Variants in ZBTB16 observed in about 807,000 individuals in gnomAD.
The protein encoded by ZBTB16 is zinc finger and BTB domain-containing protein 16.
ZBTB16 carries 8 observed loss-of-function variants against 56.8 expected under a neutral mutation model. The ratio of observed to expected loss-of-function variants is 0.14; its 90% CI spans 0.08 to 0.25. ZBTB16 has a LOEUF of 0.25. ZBTB16 is among the 10% of genes least tolerant of loss of function. The pLI is 1.00. For synonymous variants in ZBTB16, 363 were observed against 368.5 expected (o/e 0.98, Z 0.17); for missense variants, 625 against 903.0 (o/e 0.69, Z 3.95).
intron 2 of ZBTB16, among the ~76,000 whole-genome samples, chr11:114,117,604 G>A (rs145758946): frequency 2.6e-5 from 4 of 152,240 alleles, no homozygotes; most frequent in Non-Finnish European, 4.4e-5. Context: ...GGTGGATGGT[G>A]GGAATAGAGA....
intron 2 of ZBTB16, among the ~76,000 whole-genome samples, chr11:114,122,655 G>GTTTA (rs1248499715): frequency 6.6e-6 from 1 of 152,112 alleles, no homozygotes; most frequent in Non-Finnish European, 1.5e-5. Flanking sequence ...TCTCATGCTT[G>GTTTA]TTTAGTCTTT....
Position 114,250,196 on chromosome 11 carries a change from C to T in ZBTB16, c.1793-130C>T, listed in dbSNP as rs1944893289. ...CCGTCTTGGGTGGTGCCTTCATTGT[C>T]CCAGAAAGTTCTGTTGGAGCAAGCC... On this transcript the variant is annotated intron_variant, in intron 6 of 6. Transcript: ENST00000335953. This position sits in a 1 kb window ranked among gnomAD's most constrained non-coding sequence, Gnocchi z 6.0. 1.0e-6 allele frequency: 1 copy of T among 981,640 alleles called. No homozygotes were observed. The highest frequency in any genetic ancestry group is 1.6e-5 in the African/African-American group (1 of 62,812). 60.8% of individuals were successfully genotyped at this position (981,640 alleles called of 1,614,324 possible). A position where few individuals can be genotyped will look rare whatever the true frequency, so the allele number is the denominator to read the frequency against.
chr11:114,231,297 A>G (rs1199609221), intron 4 of ZBTB16, among the ~76,000 whole-genome samples: 2 of 152,044 alleles, frequency 1.3e-5, no homozygotes, highest in African/African-American at 4.8e-5. Context: ...CTAGATTCAG[A>G]GGGTCTGGTT....
In ZBTB16 at chr11:114,232,898, G is replaced by A. The variant is rs544650362; in HGVS notation, c.1454-9269G>A. ...CGGGCAGGCGTCCTGCGGGCTCCAG[G>A]CTTCTCTGCCACAGCTGGCGGAGGT... is the stretch of plus-strand genomic sequence containing the variant. On this transcript the variant is annotated intron_variant, in intron 4 of 6. Transcript: ENST00000335953. 3.9e-5 allele frequency among the ~76,000 whole-genome samples: 6 copies of A among 152,256 alleles called. No individual in the cohort carries two copies. The East Asian group carries it at 1.2e-3, about 30-fold the overall frequency.
chr11:114,189,983 T>C (rs1943453669), intron 4 of ZBTB16, among the ~76,000 whole-genome samples: 1 of 152,196 alleles, frequency 6.6e-6, no homozygotes, highest in Non-Finnish European at 1.5e-5. Context: ...TACCATGGTA[T>C]ACTATTTGGC....
At chr11:114,212,180 TC>T (rs1040244717) in intron 4 of ZBTB16, among the ~76,000 whole-genome samples, 2 of 152,180 alleles carry the variant, frequency 1.3e-5, no homozygotes, top group African/African-American at 4.8e-5. Context: ...AATTTTTTTT[TC>T]AGCCTTTTCT....
chr11:114,253,279 G>A lies in ZBTB16; in HGVS notation c.*2724G>A, dbSNP rs768831644. Among the ~76,000 whole-genome samples the A allele has an allele frequency of 7.2e-5, 11 of 152,076 alleles. No individual in the cohort carries two copies. Among genetic ancestry groups the A allele is most frequent in the African/African-American group, 1.7e-4 (7 of 41,408 alleles). On this transcript the variant is annotated 3_prime_UTR_variant, in exon 7 of 7. Coordinates refer to ENST00000335953, the MANE Select transcript of ZBTB16 (RefSeq NM_006006.6). ...TCCCACTCAGCCTGGGCCCCTCCCC[G>A]CTCCATTCATAAAAGCTGAGAGGGT...
chr11:114,201,597 G>T (rs541808838), intron 4 of ZBTB16, among the ~76,000 whole-genome samples: 1 of 152,308 alleles, frequency 6.6e-6, no homozygotes, highest in South Asian at 2.1e-4. Flanking sequence ...CAATGAGAAT[G>T]ACCTAAATAT....
At position 114,252,246 on chromosome 11, in the gene ZBTB16, T is replaced by C. The variant is rs950545026; in HGVS notation, c.*1691T>C. ...TCCGCCTAAAACACTCTGGAGAGAA[T>C]CCCACCTTTCTTACAATTTGCTGGG... is the stretch of plus-strand genomic sequence containing the variant. On this transcript the variant is annotated 3_prime_UTR_variant, in exon 7 of 7. Coordinates refer to ENST00000335953, the MANE Select transcript of ZBTB16 (RefSeq NM_006006.6). Among the ~76,000 whole-genome samples the C allele has an allele frequency of 3.3e-5, 5 of 152,114 alleles. No individual in the cohort carries two copies. The highest frequency in any genetic ancestry group is 9.7e-5 in the African/African-American group (4 of 41,420).
chr11:114,134,041 G>A (rs757554182), intron 2 of ZBTB16, among the ~76,000 whole-genome samples: 9 of 152,146 alleles, frequency 5.9e-5, no homozygotes, highest in Non-Finnish European at 7.3e-5. Context: ...TGAGATGCAC[G>A]GGAGCACAGC....
At chr11:114,192,979 T>G (rs1296918598) in intron 4 of ZBTB16, among the ~76,000 whole-genome samples, 1 of 152,220 alleles carries the variant, frequency 6.6e-6, no homozygotes, top group Admixed American at 6.5e-5. Flanking sequence ...AGGCTGTTCC[T>G]AGGCGGACCC....
At chr11:114,074,967 CG>C (rs1410364444) in intron 2 of ZBTB16, among the ~76,000 whole-genome samples, 2 of 152,096 alleles carry the variant, frequency 1.3e-5, no homozygotes, top group Admixed American at 1.3e-4. Context: ...CATGCCTGGA[CG>C]GCTGTGCAGT....
chr11:114,145,391 T>C (rs1231260650), intron 2 of ZBTB16, among the ~76,000 whole-genome samples: 2 of 152,208 alleles, frequency 1.3e-5, no homozygotes, highest in Non-Finnish European at 2.9e-5. Flanking sequence ...TTATTCGTAA[T>C]AGCCAAAAGG....
chr11:114,181,130 G>A (rs540737617), intron 3 of ZBTB16, among the ~76,000 whole-genome samples: 63 of 152,260 alleles, frequency 4.1e-4, no homozygotes, highest in African/African-American at 1.4e-3. Flanking sequence ...CAAGATAAAT[G>A]GCCCCCAAAT....
chr11:114,205,351 A>G (rs1943839544), intron 4 of ZBTB16, among the ~76,000 whole-genome samples: 1 of 151,524 alleles, frequency 6.6e-6, no homozygotes, highest in Middle Eastern at 3.2e-3. Flanking sequence ...TGGAGCTTGC[A>G]GTGAGCCGAG....
chr11:114,068,142 A>G (rs1301148257), intron 2 of ZBTB16, among the ~76,000 whole-genome samples: 1 of 151,920 alleles, frequency 6.6e-6, no homozygotes, highest in East Asian at 1.9e-4. Flanking sequence ...GTGATAAAAT[A>G]ACAGGCTACA....
At position 114,059,757 on chromosome 11, in the gene ZBTB16, G is replaced by A. The variant is rs1938746989; in HGVS notation, c.-216G>A. ...ATGAGAGCGGGTACTGCGAACTGCC[G>A]GGCGATGCTGTCGCTGCCGCCGTGA... On this transcript the variant is annotated 5_prime_UTR_variant, in exon 1 of 7. Coordinates refer to ENST00000335953, the MANE Select transcript of ZBTB16 (RefSeq NM_006006.6). The surrounding 1 kb of genome is among the most constrained non-coding windows in gnomAD (Gnocchi z 5.3). 1 of 398,372 alleles carries A rather than the reference G, an allele frequency of 2.5e-6. No homozygotes were observed. Among genetic ancestry groups the A allele is most frequent in the Non-Finnish European group, 4.4e-6 (1 of 225,924 alleles). The allele number at this position is 398,372 out of a possible 1,614,324, so 24.7% of individuals were successfully genotyped here.
At chr11:114,126,382 T>A (rs1255136449) in intron 2 of ZBTB16, among the ~76,000 whole-genome samples, 1 of 152,188 alleles carries the variant, frequency 6.6e-6, no homozygotes, top group South Asian at 2.1e-4. Context: ...CCGGCCTCAT[T>A]CCCACCTCTG....
rs553636421 is a variant in ZBTB16, at chr11:114,061,176, C to A, written c.-91+1294C>A. ...GGGGGTGTGAGAGCGCGGTCGATCC[C>A]CGGAGCTCGGGCGGGTTATCGCCGG... On this transcript the variant is annotated intron_variant, in intron 1 of 6. Transcript: ENST00000335953. 3.9e-5 allele frequency among the ~76,000 whole-genome samples: 6 copies of A among 152,158 alleles called. No homozygotes were observed. In the East Asian group the frequency reaches 5.8e-4, roughly 15 times the overall value.
Sources: gnomAD v4.1 joint callset for allele counts (sites outside exome capture counted in the v4.1 genomes callset) on GRCh38, gnomAD v4.1.1 for gene constraint, Gnocchi (gnomAD v3.1) non-coding constraint, MANE v1.5 for transcripts, NCBI Gene and HGNC (gene_info 2026-07-23, HGNC 2026-07-21) for gene names.